Variants in XIRP2 observed in about 807,000 individuals in gnomAD.
XIRP2 encodes the protein xin actin binding repeat containing 2.
Under a neutral mutation model 277.0 loss-of-function variants are expected in XIRP2, and 236 were observed. The observed-to-expected ratio is 0.85, with a 90% CI of 0.77 to 0.95. The LOEUF is 0.95. Ranked by LOEUF, XIRP2 falls within the 40% of genes least tolerant of loss-of-function variation. The pLI, the probability that XIRP2 is intolerant of heterozygous loss-of-function variation, is 0.00. For missense variants in XIRP2, 4,640 were observed against 4,157.5 expected (o/e 1.12, Z -3.19); for synonymous variants, 1,490 against 1,416.5 (o/e 1.05, Z -1.17).
At chr2:167,111,906 G>A (rs1690767617) in intron 2 of XIRP2, among the ~76,000 whole-genome samples, 2 of 152,048 alleles carry the variant, frequency 1.3e-5, no homozygotes, top group South Asian at 4.2e-4. Context: ...ATATGTCCAG[G>A]AATTCATCCA....
intron 2 of XIRP2, among the ~76,000 whole-genome samples, chr2:166,994,937 C>T (rs918998555): frequency 6.7e-5 from 10 of 149,824 alleles, no homozygotes; most frequent in Admixed American, 4.0e-4. Flanking sequence ...TTTTTTTGAC[C>T]GAGTCTCCAT....
chr2:167,153,742 C>A (rs1558999158), intron 3 of XIRP2, among the ~76,000 whole-genome samples: 1 of 151,730 alleles, frequency 6.6e-6, no homozygotes. Flanking sequence ...ATGAACTCAT[C>A]ATTTTTTATG....
At chr2:167,198,480 C>A (rs1041060714) in intron 3 of XIRP2, among the ~76,000 whole-genome samples, 3 of 152,116 alleles carry the variant, frequency 2.0e-5, no homozygotes, top group Non-Finnish European at 4.4e-5. Context: ...AATATATGAA[C>A]AAGAGGCCAA....
chr2:166,996,556 G>A (rs1687225617), intron 2 of XIRP2, among the ~76,000 whole-genome samples: 1 of 152,152 alleles, frequency 6.6e-6, no homozygotes, highest in Admixed American at 6.5e-5. Flanking sequence ...GACCCCAGGA[G>A]GCAGAGGTTT....
chr2:166,918,473 G>A (rs1684949151), intron 2 of XIRP2, among the ~76,000 whole-genome samples: 1 of 152,024 alleles, frequency 6.6e-6, no homozygotes, highest in Admixed American at 6.6e-5. Context: ...GTCATAGGAT[G>A]ACAGGGAAGG....
At chr2:167,178,631 G>T (rs1409620372) in intron 3 of XIRP2, among the ~76,000 whole-genome samples, 3 of 151,056 alleles carry the variant, frequency 2.0e-5, no homozygotes, top group Non-Finnish European at 4.4e-5. Flanking sequence ...AGCCATATTT[G>T]TTCATAAGTT....
intron 2 of XIRP2, among the ~76,000 whole-genome samples, chr2:166,994,394 G>C (rs1349030964): frequency 7.9e-6 from 1 of 126,684 alleles, no homozygotes; most frequent in African/African-American, 3.1e-5. Flanking sequence ...ACGTTAGTGG[G>C]TGCAGCGCAC....
rs149821662 is a variant in XIRP2, at chr2:166,945,830, C to A, written c.408+41940C>A. Among the ~76,000 whole-genome samples, 272 of 152,088 alleles carry A rather than the reference C, an allele frequency of 1.8e-3. 1 individual carries two copies. Among genetic ancestry groups the A allele is most frequent in the African/African-American group, 6.2e-3 (257 of 41,510 alleles). ...GGGATTACAGGCATGTGCCACCACA[C>A]CCGGCTAATTTTGTTTGTTTGTTTG... On this transcript the variant is annotated intron_variant, in intron 2 of 10. Transcript: ENST00000409195.
intron 2 of XIRP2, among the ~76,000 whole-genome samples, chr2:167,083,717 C>A (rs375985060): frequency 6.6e-6 from 1 of 152,112 alleles, no homozygotes; most frequent in African/African-American, 2.4e-5. Context: ...TTGTGAATGG[C>A]AGTTCACTCA....
At chr2:167,242,020 C>A in intron 8 of XIRP2, 110 bp downstream of exon 8, 1 of 1,352,678 alleles carries the variant, frequency 7.4e-7, no homozygotes, top group Non-Finnish European at 9.8e-7. Context: ...AAAAAAAATT[C>A]TGAACTGGCA....
intron 3 of XIRP2, among the ~76,000 whole-genome samples, chr2:167,141,180 G>GA (rs1335542962): frequency 3.3e-5 from 5 of 152,018 alleles, no homozygotes; most frequent in Admixed American, 6.6e-5. Context: ...CCTGAAATTG[G>GA]AAAAAACTAA....
Position 167,135,173 on chromosome 2 carries a change from T to A in XIRP2, c.409-736T>A, listed in dbSNP as rs182933974. Reference sequence around the variant, plus strand: ...GAACTGTCTTGAGTCATTTACTTACTTTTTGCAATGTTTTTATTCAAAATA... The same window carrying A: ...GAACTGTCTTGAGTCATTTACTTACATTTTGCAATGTTTTTATTCAAAATA... On this transcript the variant is annotated intron_variant, in intron 2 of 10. Transcript: ENST00000409195. Among the ~76,000 whole-genome samples the A allele has an allele frequency of 5.3e-5, 8 of 152,276 alleles. 2 individuals carry two copies. Among genetic ancestry groups the A allele is most frequent in the Admixed American group, 5.2e-4 (8 of 15,288 alleles).
Position 167,249,738 on chromosome 2 carries a change from A to T in XIRP2, c.8346A>T (p.Val2782=). 1 of 1,613,416 alleles carries T rather than the reference A, an allele frequency of 6.2e-7. No individual in the cohort carries two copies. Among genetic ancestry groups the T allele is most frequent in the Non-Finnish European group, 8.5e-7 (1 of 1,179,734 alleles). The part of the protein sequence containing the change: ...QLPKKEKRVT[V]QLPTESIQKN... ...CTAAGAAGGAGAAAAGAGTGACAGT[A>T]CAATTGCCTACAGAATCCATACAGA... Residue 2782 remains valine, a synonymous_variant, in exon 9 of 11, where the codon GTA becomes GTT. Coordinates refer to ENST00000409195, the MANE Select transcript of XIRP2 (RefSeq NM_152381.6).
chr2:167,025,696 C>T (rs1345973339), intron 2 of XIRP2, among the ~76,000 whole-genome samples: 4 of 152,076 alleles, frequency 2.6e-5, no homozygotes, highest in Non-Finnish European at 5.9e-5. Flanking sequence ...TTATGTCTGC[C>T]TTCATTTCGT....
intron 2 of XIRP2, among the ~76,000 whole-genome samples, chr2:167,010,152 C>T (rs1212766285): frequency 1.3e-5 from 2 of 152,084 alleles, no homozygotes; most frequent in Non-Finnish European, 2.9e-5. Flanking sequence ...TGCCTATGTC[C>T]TGAATGGTAA....
chr2:167,224,638 A>G (rs147614689), intron 5 of XIRP2, among the ~76,000 whole-genome samples: 7 of 152,280 alleles, frequency 4.6e-5, no homozygotes, highest in East Asian at 1.9e-4. Context: ...AGGTCATTTT[A>G]AGAATAAAAT....
intron 3 of XIRP2, among the ~76,000 whole-genome samples, chr2:167,175,493 G>A (rs749452128): frequency 1.3e-5 from 2 of 152,146 alleles, no homozygotes; most frequent in Admixed American, 6.5e-5. Context: ...ATTGCTGCCT[G>A]TTCCTTCCTC....
Position 167,250,644 on chromosome 2 carries a change from A to G in XIRP2, c.9252A>G (p.Val3084=), listed in dbSNP as rs763612515. ...IAKEKTVQHQ[V]AAHHEATVRS... is the part of the protein sequence containing the mutation. ...AAGAGAAAACAGTACAGCACCAAGT[A>G]GCAGCTCATCATGAAGCAACTGTTC... Residue 3084 remains valine (V), a synonymous_variant, in exon 9 of 11, where the codon GTA becomes GTG. Coordinates refer to ENST00000409195, the MANE Select transcript of XIRP2 (RefSeq NM_152381.6). 1 of 1,613,622 alleles carries G rather than the reference A, an allele frequency of 6.2e-7. No individual in the cohort carries two copies. The highest frequency in any genetic ancestry group is 1.3e-5 in the African/African-American group (1 of 74,978).
At chr2:167,191,549 T>C (rs975832263) in intron 3 of XIRP2, among the ~76,000 whole-genome samples, 1 of 151,948 alleles carries the variant, frequency 6.6e-6, no homozygotes. Context: ...TTGCATTTCA[T>C]GTTTCTCTTG....
Sources: gnomAD v4.1 joint callset for allele counts (sites outside exome capture counted in the v4.1 genomes callset) on GRCh38, gnomAD v4.1.1 for gene constraint, MANE v1.5 for transcripts, NCBI Gene and HGNC (gene_info 2026-07-23, HGNC 2026-07-21) for gene names.